Variants in BLOC1S5 observed in about 807,000 individuals in gnomAD.
BLOC1S5 encodes biogenesis of lysosome-related organelles complex 1 subunit 5.
In BLOC1S5, 27 loss-of-function variants were observed where a neutral mutation model predicts 24.3. That is an observed-to-expected ratio of 1.11 (90% confidence interval 0.82 to 1.53). The LOEUF is 1.53. Ranked by LOEUF, BLOC1S5 falls within the 40% of genes most tolerant of loss-of-function variation. The probability of loss-of-function intolerance (pLI) is 0.00; values close to 1 mark genes in which losing one functional copy is unlikely to be tolerated. For missense variants in BLOC1S5, 239 were observed against 229.4 expected, an observed-to-expected ratio of 1.04 and a Z score of -0.27; for synonymous variants, 84 against 74.5, an observed-to-expected ratio of 1.13 and a Z score of -0.66.
rs375343913 is a variant in BLOC1S5 at position 8,061,469 on chromosome 6, T to C, written c.195+1065A>G. Among the ~76,000 whole-genome samples, 6 of 152,300 alleles carry C rather than the reference T, an allele frequency of 3.9e-5. No individual in the cohort carries two copies. The South Asian group carries it at 6.2e-4, about 16-fold the overall frequency. On this transcript the variant is annotated intron_variant, in intron 2 of 4. Transcript: ENST00000397457. Reference sequence around the variant, plus strand: ...TTAACATGTATAATTAACTTGGCTATGTACCTAGTTAATTCCTAGGTCCCA... The same window carrying C: ...TTAACATGTATAATTAACTTGGCTACGTACCTAGTTAATTCCTAGGTCCCA...
chr6:8,041,204 T>C lies in BLOC1S5; in HGVS notation c.260A>G (p.Asn87Ser), dbSNP rs761312185. The C allele has an allele frequency of 3.1e-6, 5 of 1,613,390 alleles. No homozygotes were observed. The Admixed American group carries it at 8.3e-5, about 27-fold the overall frequency. Residue 87 changes from asparagine to serine, a missense_variant, in exon 3 of 5, where the codon AAT becomes AGT. Coordinates refer to ENST00000397457, the MANE Select transcript of BLOC1S5 (RefSeq NM_201280.3). ...ENLKNMIHET[N>S]EHTLPKCRDT... ...TCTACATTTGGGAAGAGTATGTTCA[T>C]TTGTTTCATGGATCATGTTCTTCAA...
Position 8,031,481 on chromosome 6 carries a change from TA to T in BLOC1S5, c.326-5057del, listed in dbSNP as rs1410123913. ...ACTGAAAGAAATCACAGACGACACATATGGAAATACATCCCATGCTCATGGA... is the reference window on the plus strand; with the variant it reads ...ACTGAAAGAAATCACAGACGACACATTGGAAATACATCCCATGCTCATGGA... On this transcript the variant is annotated intron_variant, in intron 3 of 4. Transcript: ENST00000397457. 1.3e-4 allele frequency among the ~76,000 whole-genome samples: 19 copies of T among 151,998 alleles called. No homozygotes were observed. In the East Asian group the frequency reaches 3.7e-3, roughly 29 times the overall value.
At chr6:8,037,819 C>T (rs755703348) in intron 3 of BLOC1S5, among the ~76,000 whole-genome samples, 1 of 152,062 alleles carries the variant, frequency 6.6e-6, no homozygotes, top group Non-Finnish European at 1.5e-5. Context: ...CAGATATAAA[C>T]TCACACATTT....
chr6:8,022,228 G>A (rs1345507675), intron 4 of BLOC1S5, among the ~76,000 whole-genome samples: 1 of 149,586 alleles, frequency 6.7e-6, no homozygotes, highest in African/African-American at 2.5e-5. Context: ...AGGTTGTGGG[G>A]AGGTGCTACT....
At chr6:8,032,211 T>C (rs1763321569) in intron 3 of BLOC1S5, among the ~76,000 whole-genome samples, 1 of 152,110 alleles carries the variant, frequency 6.6e-6, no homozygotes, top group African/African-American at 2.4e-5. Context: ...TCGCAAACTA[T>C]GCATCCCACA....
intron 2 of BLOC1S5, among the ~76,000 whole-genome samples, chr6:8,059,376 T>G (rs1764438402): frequency 6.6e-6 from 1 of 152,228 alleles, no homozygotes. Context: ...AAATAAAATT[T>G]TATAAAGAAA....
chr6:8,023,766 C>G (rs1045148034), intron 4 of BLOC1S5, among the ~76,000 whole-genome samples: 3 of 152,154 alleles, frequency 2.0e-5, no homozygotes, highest in Non-Finnish European at 2.9e-5. Context: ...GCTTTGTTTA[C>G]ATTGGCTAGA....
chr6:8,062,492 C>A, intron 2 of BLOC1S5, 42 bp downstream of exon 2: 1 of 1,250,292 alleles, frequency 8.0e-7, no homozygotes. Context: ...AACACACTAA[C>A]AATTAGGGAA....
At chr6:8,030,775 G>T (rs141611767) in intron 3 of BLOC1S5, among the ~76,000 whole-genome samples, 5,847 of 151,374 alleles carry the variant, frequency 0.039, 356 homozygotes, top group African/African-American at 0.13. Flanking sequence ...CGGAGGCTGA[G>T]GCAGGAGAAT....
intron 4 of BLOC1S5, among the ~76,000 whole-genome samples, chr6:8,025,244 A>G (rs967996540): frequency 6.6e-6 from 1 of 152,246 alleles, no homozygotes; most frequent in Non-Finnish European, 1.5e-5. Flanking sequence ...AAAGTTAACA[A>G]AATCGATCAT....
intron 2 of BLOC1S5, among the ~76,000 whole-genome samples, chr6:8,051,969 C>CTTTT (rs770301308): frequency 2.0e-4 from 22 of 110,030 alleles, no homozygotes; most frequent in East Asian, 3.0e-4. Context: ...ACATCCATGC[C>CTTTT]TTTTTTTTTT....
At chr6:8,048,433 A>AT (rs1207741312) in intron 2 of BLOC1S5, among the ~76,000 whole-genome samples, 2 of 151,968 alleles carry the variant, frequency 1.3e-5, no homozygotes, top group Non-Finnish European at 2.9e-5. Context: ...GGAAATATGT[A>AT]TTTTTTTAAA....
At chr6:8,034,371 T>C (rs1763415127) in intron 3 of BLOC1S5, among the ~76,000 whole-genome samples, 2 of 152,054 alleles carry the variant, frequency 1.3e-5, no homozygotes. Context: ...CAGCAAACTA[T>C]CACAAGGACA....
At chr6:8,026,514 G>C (rs1472409434) in intron 3 of BLOC1S5, 89 bp from the exon 4 acceptor site, 2 of 1,068,060 alleles carry the variant, frequency 1.9e-6, no homozygotes, top group South Asian at 2.7e-5. Context: ...GAGAGTACAT[G>C]AATTGTTTTA....
chr6:8,017,476 C>T (rs183354115), intron 4 of BLOC1S5, among the ~76,000 whole-genome samples: 27 of 152,238 alleles, frequency 1.8e-4, no homozygotes, highest in African/African-American at 6.0e-4. Flanking sequence ...AAAAGGGACA[C>T]GCAGCGTACT....
At chr6:8,040,277 TGG>T (rs767984641) in intron 3 of BLOC1S5, among the ~76,000 whole-genome samples, 1 of 152,144 alleles carries the variant, frequency 6.6e-6, no homozygotes, top group Non-Finnish European at 1.5e-5. Context: ...TTTATCTTAC[TGG>T]GTTATGATTA....
chr6:8,038,192 A>G (rs59406937), intron 3 of BLOC1S5, among the ~76,000 whole-genome samples: 5,931 of 152,258 alleles, frequency 0.039, 362 homozygotes, highest in African/African-American at 0.13. Flanking sequence ...GACGCAAAGA[A>G]AATAATCAGC....
At chr6:8,064,052 G>A (rs1194057271) in intron 1 of BLOC1S5, among the ~76,000 whole-genome samples, 3 of 152,044 alleles carry the variant, frequency 2.0e-5, no homozygotes, top group African/African-American at 7.3e-5. Flanking sequence ...TGCGACAGAG[G>A]AAAGCGGGGA....
chr6:8,026,899 G>A (rs546999262), intron 3 of BLOC1S5, among the ~76,000 whole-genome samples: 1 of 152,262 alleles, frequency 6.6e-6, no homozygotes, highest in South Asian at 2.1e-4. Flanking sequence ...TATTTACTAA[G>A]TGCCAAGATC....
Sources: allele counts gnomAD v4.1 joint callset (sites outside exome capture counted in the v4.1 genomes callset), GRCh38; gene constraint gnomAD v4.1.1; transcripts MANE v1.5; gene names NCBI Gene and HGNC (gene_info 2026-07-23, HGNC 2026-07-21).